Variants in TMEM132B observed in about 807,000 individuals in gnomAD.
The protein encoded by TMEM132B is transmembrane protein 132B.
A neutral mutation model predicts 90.8 loss-of-function variants in TMEM132B; 18 were observed. That is an observed-to-expected ratio of 0.20 (90% CI 0.14 to 0.29). The LOEUF (loss-of-function observed/expected upper bound fraction) is 0.29. Among genes scored for constraint, TMEM132B ranks in the 10% least tolerant of loss-of-function variants. The probability of loss-of-function intolerance (pLI) is 1.00; values close to 1 mark genes in which losing one functional copy is unlikely to be tolerated. For synonymous variants in TMEM132B, 504 were observed against 523.3 expected, an observed-to-expected ratio of 0.96 and a Z score of 0.50; for missense variants, 1,096 against 1,326.8, an observed-to-expected ratio of 0.83 and a Z score of 2.70.
intron 2 of TMEM132B, among the ~76,000 whole-genome samples, chr12:125,375,458 T>C (rs927531433): frequency 3.9e-5 from 6 of 152,238 alleles, no homozygotes; most frequent in East Asian, 1.9e-4. Context: ...TTTGGAGTTA[T>C]GTATAGCTAG....
intron 1 of TMEM132B, among the ~76,000 whole-genome samples, chr12:125,207,215 G>A (rs78186098): frequency 0.015 from 2,283 of 152,324 alleles, 71 homozygotes; most frequent in African/African-American, 0.052. Flanking sequence ...AGTGGGGCCG[G>A]TAGCACTGGG....
At chr12:125,244,280 A>G (rs938887747) in intron 1 of TMEM132B, among the ~76,000 whole-genome samples, 1 of 152,138 alleles carries the variant, frequency 6.6e-6, no homozygotes, top group Non-Finnish European at 1.5e-5. Context: ...TCAGGAGTGG[A>G]ATTGCTGGGT....
At chr12:125,191,827 C>T (rs1264075852) in intron 1 of TMEM132B, among the ~76,000 whole-genome samples, 1 of 151,310 alleles carries the variant, frequency 6.6e-6, no homozygotes, top group Non-Finnish European at 1.5e-5. Context: ...ACTGGTTTAT[C>T]CCCTTGGCCA....
intron 5 of TMEM132B, among the ~76,000 whole-genome samples, chr12:125,611,461 C>G (rs1400343561): frequency 6.6e-6 from 1 of 151,758 alleles, no homozygotes; most frequent in Non-Finnish European, 1.5e-5. Context: ...GTTTAGTTTG[C>G]TTTTCTTTTC....
In TMEM132B at chr12:125,369,941, C is replaced by T. The variant is rs141537614; in HGVS notation, c.959+19598C>T. ...GTGGGCACCTGTAATCCCAGCTACTCGGGAGTCTGAGGTAGGAAAATCACT... is the reference window on the plus strand; with the variant it reads ...GTGGGCACCTGTAATCCCAGCTACTTGGGAGTCTGAGGTAGGAAAATCACT... On this transcript the variant is annotated intron_variant, in intron 2 of 8. Coordinates refer to ENST00000682704, the MANE Select transcript of TMEM132B (RefSeq NM_001366854.1). 9.7e-3 allele frequency among the ~76,000 whole-genome samples: 1,470 copies of T among 152,132 alleles called. 17 individuals are homozygous for T. Among genetic ancestry groups the T allele is most frequent in the Middle Eastern group, 0.037 (11 of 294 alleles).
chr12:125,562,391 G>A (rs188011313), intron 4 of TMEM132B, among the ~76,000 whole-genome samples: 1 of 152,318 alleles, frequency 6.6e-6, no homozygotes, highest in African/African-American at 2.4e-5. Flanking sequence ...TGTGTATACT[G>A]GAGTTAGCAC....
At chr12:125,192,910 A>G (rs191003483) in intron 1 of TMEM132B, among the ~76,000 whole-genome samples, 6 of 152,294 alleles carry the variant, frequency 3.9e-5, no homozygotes, top group Non-Finnish European at 8.8e-5. Context: ...CCCATCTGTA[A>G]AATGGGCGCC....
At chr12:125,381,256 G>A (rs1878671969) in intron 2 of TMEM132B, among the ~76,000 whole-genome samples, 2 of 152,178 alleles carry the variant, frequency 1.3e-5, no homozygotes, top group African/African-American at 2.4e-5. Flanking sequence ...ACAAGTGCAC[G>A]CAAGCTGTGC....
At chr12:125,206,653 C>G (rs540139371) in intron 1 of TMEM132B, among the ~76,000 whole-genome samples, 3 of 152,124 alleles carry the variant, frequency 2.0e-5, no homozygotes, top group Admixed American at 1.3e-4. Context: ...TAGCCCATTG[C>G]TCGGTTGCCT....
chr12:125,214,366 C>CCTCA (rs1364986046), intron 1 of TMEM132B, among the ~76,000 whole-genome samples: 2 of 152,198 alleles, frequency 1.3e-5, no homozygotes, highest in African/African-American at 4.8e-5. Flanking sequence ...GTTGGGTAGA[C>CCTCA]CTCATATCCC....
rs1388560 is a variant in TMEM132B, at chr12:125,387,562, A to G, written c.960-27969A>G. ...CCCTCCTTCTGTAGGTTGAAAAGCT[A>G]TTGTGGATACCTTTTATGGGAACAG... On this transcript the variant is annotated intron_variant, in intron 2 of 8. Coordinates refer to ENST00000682704, the MANE Select transcript of TMEM132B (RefSeq NM_001366854.1). Among the ~76,000 whole-genome samples, 1,249 of 152,266 alleles carry G rather than the reference A, an allele frequency of 8.2e-3. 24 individuals are homozygous for G. The highest frequency in any genetic ancestry group is 0.029 in the African/African-American group (1,192 of 41,544).
At chr12:125,521,541 A>C (rs1300354619) in intron 4 of TMEM132B, among the ~76,000 whole-genome samples, 2 of 152,216 alleles carry the variant, frequency 1.3e-5, no homozygotes, top group Non-Finnish European at 2.9e-5. Context: ...AATGAAACAG[A>C]TGAGAAGCAG....
At chr12:125,548,128 C>T (rs899112583) in intron 4 of TMEM132B, among the ~76,000 whole-genome samples, 1 of 152,108 alleles carries the variant, frequency 6.6e-6, no homozygotes, top group African/African-American at 2.4e-5. Context: ...CTCCAGCAAT[C>T]CCAACTGTCT....
chr12:125,319,700 T>C (rs1425962326), intron 1 of TMEM132B, among the ~76,000 whole-genome samples: 3 of 152,102 alleles, frequency 2.0e-5, no homozygotes, highest in African/African-American at 7.2e-5. Context: ...GGTTCAATTA[T>C]CACATAGGTC....
chr12:125,476,816 G>A (rs1881894949), intron 3 of TMEM132B, among the ~76,000 whole-genome samples: 2 of 152,152 alleles, frequency 1.3e-5, no homozygotes, highest in African/African-American at 2.4e-5. Context: ...AATGCCAGTT[G>A]GATGGCTCTC....
rs1340606321 is a variant in TMEM132B, at chr12:125,246,138, G to A, written c.67+59272G>A. Among the ~76,000 whole-genome samples, 1 of 152,248 alleles carries A rather than the reference G, an allele frequency of 6.6e-6. No individual in the cohort carries two copies. The highest frequency in any genetic ancestry group is 1.5e-5 in the Non-Finnish European group (1 of 68,044). ...GCCTCTCCAGTGATCCAGTGATCCT[G>A]CTGGCTTTCCGCTTCATGACAGTGA... On this transcript the variant is annotated intron_variant, in intron 1 of 8. Coordinates refer to ENST00000682704, the MANE Select transcript of TMEM132B (RefSeq NM_001366854.1). The surrounding 1 kb of genome is among the most constrained non-coding windows in gnomAD (Gnocchi z 4.2).
chr12:125,561,555 A>G (rs1323177559), intron 4 of TMEM132B, among the ~76,000 whole-genome samples: 1 of 152,216 alleles, frequency 6.6e-6, no homozygotes, highest in African/African-American at 2.4e-5. Flanking sequence ...TTTTTTAAAT[A>G]ATAAGACCTG....
chr12:125,362,445 A>C (rs1017374928), intron 2 of TMEM132B, among the ~76,000 whole-genome samples: 1 of 152,244 alleles, frequency 6.6e-6, no homozygotes, highest in African/African-American at 2.4e-5. Flanking sequence ...TGGATAAGGT[A>C]TATTTCTTAA....
intron 1 of TMEM132B, among the ~76,000 whole-genome samples, chr12:125,195,391 C>T (rs906501446): frequency 6.2e-5 from 6 of 96,406 alleles, no homozygotes; most frequent in Non-Finnish European, 8.5e-5. Context: ...GGAGGGTTTG[C>T]GGGTTTTTTT....
Sources: allele counts gnomAD v4.1 joint callset (sites outside exome capture counted in the v4.1 genomes callset), GRCh38; gene constraint gnomAD v4.1.1; non-coding constraint Gnocchi (gnomAD v3.1); transcripts MANE v1.5; gene names NCBI Gene and HGNC (gene_info 2026-07-23, HGNC 2026-07-21).